The following PHACTR1 variants were observed in gnomAD, a reference collection of about 807,000 sequenced individuals.
PHACTR1 encodes RPEL repeat containing 1.
Under a neutral mutation model 69.2 loss-of-function variants are expected in PHACTR1, and 16 were observed. The observed-to-expected ratio is 0.23, with a 90% CI of 0.16 to 0.35. PHACTR1 has a LOEUF of 0.35. Ranked by LOEUF, PHACTR1 falls within the 10% of genes least tolerant of loss-of-function variation. The pLI is 1.00. For synonymous variants in PHACTR1, 312 were observed against 284.5 expected (o/e 1.10, Z -0.97); for missense variants, 510 against 734.7 (o/e 0.69, Z 3.54).
chr6:13,269,748 C>T (rs1303474044), intron 10 of PHACTR1, among the ~76,000 whole-genome samples: 16 of 152,104 alleles, frequency 1.1e-4, no homozygotes, highest in African/African-American at 3.1e-4. Flanking sequence ...GCAGGAGAAT[C>T]GCTTGAACCC....
intron 4 of PHACTR1, among the ~76,000 whole-genome samples, chr6:12,899,184 T>C (rs765205535): frequency 5.3e-5 from 8 of 152,190 alleles, no homozygotes; most frequent in Non-Finnish European, 1.2e-4. Context: ...GGGCTGTACC[T>C]TCCTTACAGG....
rs70989805 is a variant in PHACTR1, at chr6:12,795,738, G to GT, written c.250+45960dup. 4.4e-3 allele frequency among the ~76,000 whole-genome samples: 649 copies of GT among 146,560 alleles called. 2 individuals are homozygous for GT. The highest frequency in any genetic ancestry group is 0.013 in the African/African-American group (518 of 40,200). On this transcript the variant is annotated intron_variant, in intron 4 of 14. Transcript: ENST00000332995. ...GGAACAACATCATGGTTTTTGAGTT[G>GT]TTTTTTTTTTTTAATTCTTCCCCTT...
At chr6:12,985,528 T>TAAAAAAAAAAAA (rs149850503) in intron 4 of PHACTR1, among the ~76,000 whole-genome samples, 2 of 134,898 alleles carry the variant, frequency 1.5e-5, no homozygotes, top group African/African-American at 5.5e-5. Context: ...TACTACAAAT[T>TAAAAAAAAAAAA]AAAAAAAAAA....
rs148866962 is a variant in PHACTR1 at position 12,787,932 on chromosome 6, G to A, written c.250+38142G>A. Among the ~76,000 whole-genome samples the A allele has an allele frequency of 7.9e-4, 120 of 152,238 alleles. 2 individuals are homozygous for A. The East Asian group carries it at 0.022, about 28-fold the overall frequency. Reference sequence around the variant, plus strand: ...AGCACTTTGGGAGGATGAGGCTGGCGGATCACCTGAGGTCAGGAGTACGAG... The same window carrying A: ...AGCACTTTGGGAGGATGAGGCTGGCAGATCACCTGAGGTCAGGAGTACGAG... On this transcript the variant is annotated intron_variant, in intron 4 of 14. Transcript: ENST00000332995.
chr6:13,200,062 A>AGGATGGACATTGGTCCAGATGCT (rs1764995862), intron 7 of PHACTR1, among the ~76,000 whole-genome samples: 1 of 152,238 alleles, frequency 6.6e-6, no homozygotes. Flanking sequence ...ATGACCCCCC[A>AGGATGGACATTGGTCCAGATGCT]GGATGGACAT....
At chr6:13,119,564 C>T (rs1021448712) in intron 5 of PHACTR1, among the ~76,000 whole-genome samples, 6 of 152,238 alleles carry the variant, frequency 3.9e-5, no homozygotes, top group East Asian at 3.9e-4. Context: ...GAAGAGGCCC[C>T]CAGAGCTCCC....
intron 4 of PHACTR1, among the ~76,000 whole-genome samples, chr6:12,927,409 A>G (rs2127523059): frequency 6.6e-6 from 1 of 150,512 alleles, no homozygotes; most frequent in South Asian, 2.1e-4. Flanking sequence ...GATTAACAAC[A>G]ACAACAATAA....
At chr6:12,807,224 C>T (rs919332805) in intron 4 of PHACTR1, among the ~76,000 whole-genome samples, 6 of 151,826 alleles carry the variant, frequency 4.0e-5, no homozygotes, top group Admixed American at 1.3e-4. Flanking sequence ...AGTGGGTACC[C>T]GATGAGTAGT....
intron 4 of PHACTR1, among the ~76,000 whole-genome samples, chr6:12,909,446 T>C (rs115172155): frequency 2.7e-4 from 41 of 152,330 alleles, no homozygotes; most frequent in African/African-American, 8.9e-4. Flanking sequence ...AGATGTATAA[T>C]TATATGCGGG....
intron 4 of PHACTR1, among the ~76,000 whole-genome samples, chr6:13,032,291 T>A (rs1265217822): frequency 2.6e-5 from 4 of 152,230 alleles, no homozygotes; most frequent in African/African-American, 9.6e-5. Context: ...AAACGTTAAG[T>A]TCAGCTTATT....
At chr6:12,793,226 C>T (rs554859108) in intron 4 of PHACTR1, among the ~76,000 whole-genome samples, 19 of 152,278 alleles carry the variant, frequency 1.2e-4, no homozygotes, top group Middle Eastern at 6.8e-3. Context: ...TTCCCTTATG[C>T]GAGAGTTGGC....
chr6:13,220,057 G>T (rs1316776632), intron 8 of PHACTR1, among the ~76,000 whole-genome samples: 1 of 152,166 alleles, frequency 6.6e-6, no homozygotes, highest in East Asian at 1.9e-4. Context: ...GCAAGTTTTT[G>T]TGGTGATTAA....
At chr6:13,096,864 C>G (rs1325029631) in intron 5 of PHACTR1, among the ~76,000 whole-genome samples, 1 of 152,106 alleles carries the variant, frequency 6.6e-6, no homozygotes, top group Non-Finnish European at 1.5e-5. Flanking sequence ...GTAGCTTCTC[C>G]CTCCTGTCGT....
chr6:13,082,624 A>G (rs552422415), intron 5 of PHACTR1, among the ~76,000 whole-genome samples: 7 of 152,256 alleles, frequency 4.6e-5, no homozygotes, highest in African/African-American at 1.7e-4. Flanking sequence ...TTCCTGACTT[A>G]TTAATGATCG....
At chr6:12,809,209 C>T (rs1247005113) in intron 4 of PHACTR1, among the ~76,000 whole-genome samples, 1 of 152,090 alleles carries the variant, frequency 6.6e-6, no homozygotes, top group African/African-American at 2.4e-5. Flanking sequence ...TACTTTTAAG[C>T]TATCTGTGTT....
chr6:13,054,833 C>G (rs1360745867), intron 5 of PHACTR1, among the ~76,000 whole-genome samples: 2 of 152,150 alleles, frequency 1.3e-5, no homozygotes, highest in Non-Finnish European at 2.9e-5. Context: ...TTTCTAATCA[C>G]GTGTCCAGTC....
chr6:12,971,019 T>C (rs1381832478), intron 4 of PHACTR1, among the ~76,000 whole-genome samples: 2 of 152,152 alleles, frequency 1.3e-5, no homozygotes, highest in African/African-American at 4.8e-5. Flanking sequence ...TGATAAGTAG[T>C]AGAATGATCA....
intron 4 of PHACTR1, among the ~76,000 whole-genome samples, chr6:12,795,703 A>T (rs1297030630): frequency 1.3e-5 from 2 of 151,604 alleles, no homozygotes; most frequent in African/African-American, 2.4e-5. Flanking sequence ...AGGTCAGTTG[A>T]TCTATATAAG....
chr6:13,167,375 A>G (rs1561930584), intron 6 of PHACTR1, among the ~76,000 whole-genome samples: 2 of 152,216 alleles, frequency 1.3e-5, no homozygotes. Flanking sequence ...TGGTATGGGT[A>G]TGTGTAATTC....
Sources: gnomAD v4.1 joint callset for allele counts (sites outside exome capture counted in the v4.1 genomes callset) on GRCh38, gnomAD v4.1.1 for gene constraint, MANE v1.5 for transcripts, NCBI Gene and HGNC (gene_info 2026-07-23, HGNC 2026-07-21) for gene names.